SLC35A1: variants seen among roughly 807,000 people sequenced by gnomAD.
The protein encoded by SLC35A1 is solute carrier family 35 member A1.
A neutral mutation model predicts 40.3 loss-of-function variants in SLC35A1; 21 were observed. The observed-to-expected ratio is 0.52, with a 90% confidence interval of 0.37 to 0.75. The LOEUF is 0.75. Among genes scored for constraint, SLC35A1 ranks in the 30% least tolerant of loss-of-function variants. SLC35A1 has a pLI of 0.00. For missense variants in SLC35A1, 297 were observed against 382.1 expected (o/e 0.78, Z 1.86); for synonymous variants, 146 against 147.3 (o/e 0.99, Z 0.06).
At chr6:87,488,247 T>C (rs1769443969) in intron 2 of SLC35A1, 1 of 152,114 alleles carries the variant, frequency 6.6e-6, no homozygotes, top group Non-Finnish European at 1.5e-5. Flanking sequence ...TCTCATGGAA[T>C]TGGAAGACAT....
chr6:87,485,269 C>T (rs1248820241), intron 2 of SLC35A1, among the ~76,000 whole-genome samples: 3 of 152,026 alleles, frequency 2.0e-5, no homozygotes, highest in Non-Finnish European at 4.4e-5. Context: ...AATTCTTTTC[C>T]CATGTAATGT....
intron 2 of SLC35A1, among the ~76,000 whole-genome samples, chr6:87,482,470 G>T (rs1769272644): frequency 6.6e-6 from 1 of 152,138 alleles, no homozygotes; most frequent in Admixed American, 6.6e-5. Context: ...CTTAGAATTG[G>T]TATAGACCAC....
chr6:87,511,862 A>G lies in SLC35A1; in HGVS notation c.*336A>G, dbSNP rs945315189. 2 of 346,220 alleles carry G rather than the reference A, an allele frequency of 5.8e-6. No individual in the cohort carries two copies. The highest frequency in any genetic ancestry group is 2.5e-5 in the South Asian group (1 of 40,062). The allele number at this position is 346,220 out of a possible 1,614,324, so 21.4% of individuals were successfully genotyped here. A position where few individuals can be genotyped will look rare whatever the true frequency, so the allele number is the denominator to read the frequency against. ...ATACTCAAGTAACAAGGTTTGGGAC[A>G]ATGTCTAAGGGTTAAAGTGCCAAAG... On this transcript the variant is annotated 3_prime_UTR_variant, in exon 8 of 8. Coordinates refer to ENST00000369552, the MANE Select transcript of SLC35A1 (RefSeq NM_006416.5).
chr6:87,508,364 C>A, intron 5 of SLC35A1, 56 bp from the exon 6 acceptor site: 1 of 1,175,078 alleles, frequency 8.5e-7, no homozygotes, highest in African/African-American at 1.5e-5. Flanking sequence ...AAATGAAAGA[C>A]ATTTTAAGTT....
At chr6:87,491,593 A>G (rs1769555024) in intron 2 of SLC35A1, among the ~76,000 whole-genome samples, 1 of 152,208 alleles carries the variant, frequency 6.6e-6, no homozygotes, top group South Asian at 2.1e-4. Flanking sequence ...TTTTATTTCC[A>G]AATGTTAACA....
intron 2 of SLC35A1, among the ~76,000 whole-genome samples, chr6:87,479,052 G>A (rs910236608): frequency 4.6e-5 from 7 of 152,210 alleles, no homozygotes; most frequent in African/African-American, 7.2e-5. Flanking sequence ...GCAGGAAATC[G>A]GAATGAGTCA....
At chr6:87,499,226 G>T (rs902944047) in intron 2 of SLC35A1, 22 of 538,114 alleles carry the variant, frequency 4.1e-5, no homozygotes, top group African/African-American at 3.9e-4. Context: ...AATTATATTT[G>T]CAGCATTTAA....
At chr6:87,500,827 A>T (rs1184576737) in intron 3 of SLC35A1, among the ~76,000 whole-genome samples, 160 bp downstream of exon 3, 1 of 150,996 alleles carries the variant, frequency 6.6e-6, no homozygotes, top group African/African-American at 2.4e-5. Flanking sequence ...AGCTCACTGC[A>T]ATCTCCGCCG....
chr6:87,489,355 T>G (rs936773731), intron 2 of SLC35A1, among the ~76,000 whole-genome samples: 2 of 151,998 alleles, frequency 1.3e-5, no homozygotes, highest in African/African-American at 4.8e-5. Context: ...ACAGGATTAG[T>G]TCTTGCAGGA....
chr6:87,505,270 T>G (rs143099717), intron 4 of SLC35A1, among the ~76,000 whole-genome samples: 160 of 152,344 alleles, frequency 1.1e-3, no homozygotes, highest in African/African-American at 3.6e-3. Flanking sequence ...CATATTACAG[T>G]CATGAATCTC....
At position 87,511,752 on chromosome 6, in the gene SLC35A1, A is replaced by C; in HGVS notation, c.*226A>C. On this transcript the variant is annotated 3_prime_UTR_variant, in exon 8 of 8. Coordinates refer to ENST00000369552, the MANE Select transcript of SLC35A1 (RefSeq NM_006416.5). The stretch of plus-strand genomic sequence containing the variant: ...GTCTACTATTGTTTTAGAATGAAGG[A>C]ATTGTATTATTGTGTGTATATATAA... 1 of 547,650 alleles carries C rather than the reference A, an allele frequency of 1.8e-6. No homozygotes were observed. Among genetic ancestry groups the C allele is most frequent in the South Asian group, 2.0e-5 (1 of 50,586 alleles). 33.9% of individuals were successfully genotyped at this position (547,650 alleles called of 1,614,324 possible).
intron 4 of SLC35A1, 69 bp from the exon 5 acceptor site, chr6:87,506,313 T>G (rs1770081478): frequency 8.2e-7 from 1 of 1,223,494 alleles, no homozygotes; most frequent in South Asian, 1.2e-5. Context: ...TTTGTATTTA[T>G]TTGTTTGGAC....
In SLC35A1 at chr6:87,511,608, T is replaced by TA. The variant is rs1333421583; in HGVS notation, c.*85dup. 2.1e-6 allele frequency: 3 copies of TA among 1,461,320 alleles called. No homozygotes were observed. The highest frequency in any genetic ancestry group is 4.5e-5 in the East Asian group (2 of 44,046). The allele number at this position is 1,461,320 out of a possible 1,614,324, so 90.5% of individuals were successfully genotyped here. The stretch of plus-strand genomic sequence containing the variant: ...CTTAAGTCAATCTCAGAAGGTAGCA[T>TA]AAACAAATAAAAATTAACTGTATGG... On this transcript the variant is annotated 3_prime_UTR_variant, in exon 8 of 8. Coordinates refer to ENST00000369552, the MANE Select transcript of SLC35A1 (RefSeq NM_006416.5).
At chr6:87,498,251 G>A (rs1562023958) in intron 2 of SLC35A1, among the ~76,000 whole-genome samples, 2 of 152,078 alleles carry the variant, frequency 1.3e-5, no homozygotes, top group East Asian at 1.9e-4. Context: ...CACATCATCA[G>A]TGTATGAGTC....
chr6:87,500,680 A>C lies in SLC35A1; in HGVS notation c.354+13A>C, dbSNP rs1279651522. 6.2e-7 allele frequency: 1 copy of C among 1,613,480 alleles called. No individual in the cohort carries two copies. The highest frequency in any genetic ancestry group is 1.3e-5 in the African/African-American group (1 of 75,028). On this transcript the variant is annotated intron_variant, in intron 3 of 7. Transcript: ENST00000369552. ...AGCAGTGTACCAGGTAAGTGGAGTT[A>C]ATGATAATGAAAAGCACAGAATCTT...
At chr6:87,475,578 T>TA (rs1323821746) in intron 1 of SLC35A1, among the ~76,000 whole-genome samples, 1 of 152,234 alleles carries the variant, frequency 6.6e-6, no homozygotes, top group Non-Finnish European at 1.5e-5. Flanking sequence ...TAAAACCTGA[T>TA]ATGGTTTTTA....
intron 2 of SLC35A1, among the ~76,000 whole-genome samples, chr6:87,490,007 T>C (rs943259766): frequency 6.6e-5 from 10 of 152,008 alleles, no homozygotes; most frequent in Non-Finnish European, 2.9e-5. Flanking sequence ...GGTGGGTGGA[T>C]TGCTTGAGGC....
chr6:87,511,365 A>G, intron 7 of SLC35A1, 34 bp from the exon 8 acceptor site: 4 of 1,611,414 alleles, frequency 2.5e-6, no homozygotes, highest in Non-Finnish European at 2.5e-6. Context: ...AAAGACACAC[A>G]TACAGATAAA....
At chr6:87,486,485 C>T (rs545438609) in intron 2 of SLC35A1, among the ~76,000 whole-genome samples, 1 of 152,250 alleles carries the variant, frequency 6.6e-6, no homozygotes, top group South Asian at 2.1e-4. Context: ...CAACACTATT[C>T]TAGTGTTTTC....
Sources: allele counts gnomAD v4.1 joint callset (sites outside exome capture counted in the v4.1 genomes callset), GRCh38; gene constraint gnomAD v4.1.1; transcripts MANE v1.5; gene names NCBI Gene and HGNC (gene_info 2026-07-23, HGNC 2026-07-21).